CHIC2: variants seen among roughly 807,000 people sequenced by gnomAD.
CHIC2 encodes cysteine-rich hydrophobic domain-containing protein 2.
CHIC2 carries 14 observed loss-of-function variants against 25.9 expected under a neutral mutation model. The observed-to-expected ratio is 0.54, with a 90% CI of 0.36 to 0.85. The LOEUF (loss-of-function observed/expected upper bound fraction) is 0.85. CHIC2 is among the 40% of genes least tolerant of loss of function. CHIC2 has a pLI of 0.01. For missense variants in CHIC2, 146 were observed against 202.0 expected (o/e 0.72, Z 1.68); for synonymous variants, 70 against 72.0 (o/e 0.97, Z 0.14).
intron 3 of CHIC2, among the ~76,000 whole-genome samples, chr4:54,023,067 T>C (rs892869951): frequency 2.0e-5 from 3 of 152,018 alleles, no homozygotes; most frequent in African/African-American, 7.3e-5. Flanking sequence ...ACCCCATAGA[T>C]CCTAATTCCT....
the CHIC2 span, among the ~76,000 whole-genome samples, chr4:54,083,392 T>C: frequency 6.6e-6 from 1 of 152,226 alleles, no homozygotes; most frequent in African/African-American, 2.4e-5. Flanking sequence ...TTGGCTATTC[T>C]TATAGCACTT....
chr4:54,055,033 A>C (rs1279296059), intron 1 of CHIC2, among the ~76,000 whole-genome samples: 1 of 152,190 alleles, frequency 6.6e-6, no homozygotes, highest in Non-Finnish European at 1.5e-5. Flanking sequence ...AAAAGACTTG[A>C]ACTGACTTAT....
At chr4:54,077,998 A>T in the CHIC2 span, among the ~76,000 whole-genome samples, 1 of 152,242 alleles carries the variant, frequency 6.6e-6, no homozygotes, top group Non-Finnish European at 1.5e-5. Context: ...TTTAGGAATG[A>T]TGTAACTTGG....
At chr4:54,032,319 G>A (rs1324690131) in intron 3 of CHIC2, among the ~76,000 whole-genome samples, 1 of 117,028 alleles carries the variant, frequency 8.5e-6, no homozygotes, top group Non-Finnish European at 1.6e-5. Context: ...ATGCCGAGCC[G>A]AAGCTGGACT....
the CHIC2 span, among the ~76,000 whole-genome samples, chr4:54,080,784 C>G: frequency 6.7e-6 from 1 of 150,348 alleles, no homozygotes; most frequent in Non-Finnish European, 1.5e-5. Context: ...ACTGGGGTCT[C>G]TAATGTACAG....
At chr4:54,022,520 T>C (rs1018718677) in intron 3 of CHIC2, among the ~76,000 whole-genome samples, 1 of 152,140 alleles carries the variant, frequency 6.6e-6, no homozygotes, top group East Asian at 1.9e-4. Context: ...CATTCTTTTA[T>C]GCACTCCTTT....
chr4:54,081,782 G>A, the CHIC2 span, among the ~76,000 whole-genome samples: 1 of 152,026 alleles, frequency 6.6e-6, no homozygotes, highest in Admixed American at 6.6e-5. Context: ...AGATGGTCTC[G>A]AACTCCTGGT....
chr4:54,089,812 T>C, the CHIC2 span, among the ~76,000 whole-genome samples: 1 of 152,216 alleles, frequency 6.6e-6, no homozygotes, highest in Non-Finnish European at 1.5e-5. Flanking sequence ...TATCTGATAC[T>C]ATAACACTAG....
chr4:54,064,797 C>A, upstream of CHIC2: 1 of 347,312 alleles, frequency 2.9e-6, no homozygotes, highest in Non-Finnish European at 4.1e-6. This position sits in a 1 kb window ranked among gnomAD's most constrained non-coding sequence, Gnocchi z 4.2. Flanking sequence ...TACCCGCAGA[C>A]GGCGACCGGG....
chr4:54,083,848 C>G, the CHIC2 span, among the ~76,000 whole-genome samples: 1 of 152,142 alleles, frequency 6.6e-6, no homozygotes, highest in Non-Finnish European at 1.5e-5. Context: ...ACTACAGAGG[C>G]CTTCATACTT....
At chr4:54,022,142 G>A (rs559481666) in intron 3 of CHIC2, among the ~76,000 whole-genome samples, 6 of 152,218 alleles carry the variant, frequency 3.9e-5, no homozygotes, top group South Asian at 2.1e-4. Flanking sequence ...CTCCTTAGCC[G>A]TGTCCCATTT....
At chr4:54,012,119 TA>T (rs1715613173) in intron 5 of CHIC2, among the ~76,000 whole-genome samples, 1 of 151,938 alleles carries the variant, frequency 6.6e-6, no homozygotes, top group Non-Finnish European at 1.5e-5. Context: ...CCCAGCTTAT[TA>T]TTATTTTTTT....
At chr4:54,039,322 A>G (rs1278275150) in intron 3 of CHIC2, among the ~76,000 whole-genome samples, 1 of 152,200 alleles carries the variant, frequency 6.6e-6, no homozygotes, top group Non-Finnish European at 1.5e-5. Context: ...ATATATTAGC[A>G]CGTATCTGCC....
the CHIC2 span, among the ~76,000 whole-genome samples, chr4:54,073,065 C>T: frequency 6.7e-6 from 1 of 150,000 alleles, no homozygotes; most frequent in African/African-American, 2.5e-5. Flanking sequence ...GAGACTCCGT[C>T]TAAAAAAAAA....
At position 54,064,250 on chromosome 4, in the gene CHIC2, G is replaced by A; in HGVS notation, c.51C>T (p.Ala17=). The change falls in exon 1 of 6, where the codon GCC becomes GCT. Residue 17 remains alanine, a synonymous_variant. Transcript: ENST00000263921. The surrounding 1 kb of genome is among the most constrained non-coding windows in gnomAD (Gnocchi z 4.2). ...IYEEEEDEER[A]LEEQLLKYSP... is the part of the protein sequence containing the mutation. ...AGTACTTGAGCAGCTGCTCCTCCAG[G>A]GCCCGCTCCTCGTCCTCCTCTTCCT... The A allele has an allele frequency of 6.2e-7, 1 of 1,611,152 alleles. No homozygotes were observed. The highest frequency in any genetic ancestry group is 1.1e-5 in the South Asian group (1 of 90,520).
chr4:54,090,535 C>T, the CHIC2 span, among the ~76,000 whole-genome samples: 22 of 152,086 alleles, frequency 1.4e-4, no homozygotes, highest in Admixed American at 6.5e-4. Flanking sequence ...AGCTCACAAA[C>T]GCATCCTCCC....
chr4:54,070,394 TTATTTATTTATTTATG>T, the CHIC2 span, among the ~76,000 whole-genome samples: 3 of 137,596 alleles, frequency 2.2e-5, no homozygotes, highest in South Asian at 2.4e-4. Context: ...ATTTATTTAT[TTATTTATTTATTTATG>T]TATTTATGTA....
chr4:54,086,616 G>T, the CHIC2 span, among the ~76,000 whole-genome samples: 1 of 152,174 alleles, frequency 6.6e-6, no homozygotes, highest in East Asian at 1.9e-4. Flanking sequence ...AAAAAATAGA[G>T]CATGGAAAAG....
upstream of CHIC2, among the ~76,000 whole-genome samples, chr4:54,068,077 G>A (rs1174167661): frequency 6.6e-6 from 1 of 151,974 alleles, no homozygotes; most frequent in Non-Finnish European, 1.5e-5. Context: ...GATAGTTTTC[G>A]ATCTCTCTGT....
Sources: gnomAD v4.1 joint callset for allele counts (sites outside exome capture counted in the v4.1 genomes callset) on GRCh38, gnomAD v4.1.1 for gene constraint, Gnocchi (gnomAD v3.1) non-coding constraint, MANE v1.5 for transcripts, NCBI Gene and HGNC (gene_info 2026-07-23, HGNC 2026-07-21) for gene names.